INTS9: variants seen among roughly 807,000 people sequenced by gnomAD.
The protein encoded by INTS9 is protein related to CPSF subunits of 74 kDa.
INTS9 carries 55 observed loss-of-function variants against 79.7 expected under a neutral mutation model. The ratio of observed to expected loss-of-function variants is 0.69; its 90% confidence interval spans 0.56 to 0.86. INTS9 has a LOEUF of 0.86. Among genes scored for constraint, INTS9 ranks in the 40% least tolerant of loss-of-function variants. INTS9 has a pLI of 0.00. For missense variants in INTS9, 721 were observed against 831.5 expected, an observed-to-expected ratio of 0.87 and a Z score of 1.64; for synonymous variants, 319 against 325.2, an observed-to-expected ratio of 0.98 and a Z score of 0.20.
chr8:28,826,920 C>T (rs1169733653), intron 6 of INTS9, among the ~76,000 whole-genome samples: 5 of 152,138 alleles, frequency 3.3e-5, no homozygotes, highest in African/African-American at 4.8e-5. Flanking sequence ...ATATTTCTGC[C>T]CACAAAGTCC....
Position 28,775,768 on chromosome 8 carries a change from GAT to G in INTS9, c.1552_1553del (p.Ile518HisfsTer31). On this transcript the variant is annotated frameshift_variant, in exon 14 of 17. Transcript: ENST00000521022. LOFTEE classifies it high-confidence loss of function. ...AAGGAGAACAGCTCACCTCTGGCAT[GAT>G]CTCGATCTTCTCGTACCGACGTTTG... ...PFKRRYEKIE[I>X]MPELADSLVP... 2 of 1,614,082 alleles carry G rather than the reference GAT, an allele frequency of 1.2e-6. No homozygotes were observed. The highest frequency in any genetic ancestry group is 1.7e-6 in the Non-Finnish European group (2 of 1,179,998).
At chr8:28,881,154 G>A (rs1177101674) in intron 1 of INTS9, among the ~76,000 whole-genome samples, 3 of 142,704 alleles carry the variant, frequency 2.1e-5, no homozygotes, top group Admixed American at 6.8e-5. Flanking sequence ...CCGGCTGGCC[G>A]CCCCGTCCGG....
At chr8:28,856,676 C>G (rs1318745577) in intron 2 of INTS9, among the ~76,000 whole-genome samples, 1 of 152,134 alleles carries the variant, frequency 6.6e-6, no homozygotes, top group African/African-American at 2.4e-5. Context: ...TTGTAAGTTG[C>G]TGTTTGGACG....
intron 1 of INTS9, among the ~76,000 whole-genome samples, chr8:28,861,008 A>C (rs1808433144): frequency 6.6e-6 from 1 of 152,238 alleles, no homozygotes; most frequent in African/African-American, 2.4e-5. Context: ...AAGAGCCAAG[A>C]AGTTGTATTT....
At chr8:28,835,626 G>A (rs1806767365) in intron 5 of INTS9, among the ~76,000 whole-genome samples, 1 of 152,050 alleles carries the variant, frequency 6.6e-6, no homozygotes, top group Non-Finnish European at 1.5e-5. Context: ...TTAAAACAAG[G>A]CTGGCCTGTT....
intron 2 of INTS9, among the ~76,000 whole-genome samples, chr8:28,854,189 G>A (rs185866080): frequency 1.4e-4 from 21 of 152,290 alleles, no homozygotes; most frequent in African/African-American, 5.1e-4. Context: ...GGTATGAAAT[G>A]TGTTACTTTT....
rs774812395 is a variant in INTS9, at chr8:28,770,970, A to C, written c.1662+12T>G. 1.9e-6 allele frequency: 3 copies of C among 1,609,020 alleles called. No individual in the cohort carries two copies. Among genetic ancestry groups the C allele is most frequent in the Non-Finnish European group, 2.5e-6 (3 of 1,177,274 alleles). On this transcript the variant is annotated intron_variant, in intron 15 of 16. Coordinates refer to ENST00000521022, the MANE Select transcript of INTS9 (RefSeq NM_018250.4). ...GAGAGGGTCCCCTGCACTCCCACCC[A>C]GCACCCCCTACCTGAAGCAAGTGCT...
chr8:28,845,302 T>C (rs927760558), intron 4 of INTS9, among the ~76,000 whole-genome samples: 1 of 152,226 alleles, frequency 6.6e-6, no homozygotes, highest in Non-Finnish European at 1.5e-5. Context: ...AAGACTGGGC[T>C]ATAATAAGTG....
intron 8 of INTS9, among the ~76,000 whole-genome samples, chr8:28,807,575 G>A (rs990835685): frequency 4.2e-4 from 64 of 152,332 alleles, no homozygotes; most frequent in African/African-American, 1.5e-3. Context: ...ATGGTTAAAT[G>A]TGAGAAAAGC....
At chr8:28,857,150 C>A (rs1808216289) in intron 2 of INTS9, among the ~76,000 whole-genome samples, 1 of 152,088 alleles carries the variant, frequency 6.6e-6, no homozygotes, top group South Asian at 2.1e-4. Flanking sequence ...GCTTCCATGT[C>A]TTTACTATTA....
chr8:28,812,492 T>C (rs1202317916), intron 7 of INTS9, 31 bp from the exon 8 acceptor site: 11 of 1,606,510 alleles, frequency 6.8e-6, no homozygotes, highest in Non-Finnish European at 9.3e-6. Flanking sequence ...GAATGTGCAA[T>C]GAGCTTACAG....
At chr8:28,815,358 G>A (rs527702897) in intron 6 of INTS9, among the ~76,000 whole-genome samples, 1 of 152,230 alleles carries the variant, frequency 6.6e-6, no homozygotes, top group South Asian at 2.1e-4. Context: ...AACCAGCAAA[G>A]CTTATAAATG....
At chr8:28,805,927 T>C (rs1804780278) in intron 8 of INTS9, among the ~76,000 whole-genome samples, 2 of 151,420 alleles carry the variant, frequency 1.3e-5, no homozygotes, top group Admixed American at 1.3e-4. Flanking sequence ...CAAGAGACAC[T>C]AGATTAAAAA....
At chr8:28,878,334 A>T (rs114727013) in intron 1 of INTS9, among the ~76,000 whole-genome samples, 115 of 152,154 alleles carry the variant, frequency 7.6e-4, no homozygotes, top group African/African-American at 2.7e-3. Flanking sequence ...GTTTTTTGAA[A>T]TACGGTCTCA....
intron 8 of INTS9, among the ~76,000 whole-genome samples, chr8:28,811,837 AG>A (rs1185452400): frequency 6.6e-6 from 1 of 152,132 alleles, no homozygotes; most frequent in Non-Finnish European, 1.5e-5. Flanking sequence ...TACTGTTTTC[AG>A]TACTTGTATC....
At chr8:28,843,689 G>A (rs1807327049) in intron 4 of INTS9, among the ~76,000 whole-genome samples, 1 of 151,690 alleles carries the variant, frequency 6.6e-6, no homozygotes, top group Non-Finnish European at 1.5e-5. Flanking sequence ...TACAGTGACA[G>A]CTTCATGTAT....
chr8:28,779,830 G>A lies in INTS9; in HGVS notation c.1270+993C>T, dbSNP rs563538234. Among the ~76,000 whole-genome samples, 9 of 152,264 alleles carry A rather than the reference G, an allele frequency of 5.9e-5. No individual in the cohort carries two copies. In the South Asian group the frequency reaches 1.2e-3, roughly 21 times the overall value. ...TGAAAGCTGGGGGAAGGGCTGAAGC[G>A]TCACCCCAGTGCTTCTGGTGTAACT... is the stretch of plus-strand genomic sequence containing the variant. On this transcript the variant is annotated intron_variant, in intron 12 of 16. Coordinates refer to ENST00000521022, the MANE Select transcript of INTS9 (RefSeq NM_018250.4).
At chr8:28,770,162 C>G in intron 15 of INTS9, 136 bp from the exon 16 acceptor site, 1 of 1,129,570 alleles carries the variant, frequency 8.9e-7, no homozygotes, top group Middle Eastern at 2.5e-4. Flanking sequence ...AGCCGGCACT[C>G]GGTTCAGGTT....
At chr8:28,825,508 A>T (rs1806094239) in intron 6 of INTS9, among the ~76,000 whole-genome samples, 1 of 152,164 alleles carries the variant, frequency 6.6e-6, no homozygotes, top group Non-Finnish European at 1.5e-5. Flanking sequence ...ATTACCCAGA[A>T]CACCATACCA....
Sources: allele counts gnomAD v4.1 joint callset (sites outside exome capture counted in the v4.1 genomes callset), GRCh38; gene constraint gnomAD v4.1.1; transcripts MANE v1.5; gene names NCBI Gene and HGNC (gene_info 2026-07-23, HGNC 2026-07-21).